Variants in CEP162 observed in about 807,000 individuals in gnomAD.
CEP162 encodes the protein centrosomal protein 162, also known as centrosomal protein of 162 kDa.
A neutral mutation model predicts 169.2 loss-of-function variants in CEP162; 141 were observed. That is an observed-to-expected ratio of 0.83 (90% CI 0.73 to 0.96). CEP162 has a LOEUF of 0.96. CEP162 is among the 40% of genes least tolerant of loss of function. CEP162 has a pLI of 0.00. For synonymous variants in CEP162, 540 were observed against 526.4 expected (o/e 1.03, Z -0.35); for missense variants, 1,600 against 1,587.2 (o/e 1.01, Z -0.14).
chr6:84,162,250 T>C (rs2099526073), intron 19 of CEP162, among the ~76,000 whole-genome samples: 1 of 152,112 alleles, frequency 6.6e-6, no homozygotes, highest in African/African-American at 2.4e-5. Context: ...ATAATAAAAA[T>C]GAAGAACGCC....
At chr6:84,189,220 C>T (rs1485692877) in intron 11 of CEP162, among the ~76,000 whole-genome samples, 3 of 152,036 alleles carry the variant, frequency 2.0e-5, no homozygotes, top group Admixed American at 2.0e-4. Flanking sequence ...GTTCTCAGAG[C>T]CCTCGCTTGC....
chr6:84,134,633 G>A (rs2099513117), intron 25 of CEP162, among the ~76,000 whole-genome samples: 1 of 152,104 alleles, frequency 6.6e-6, no homozygotes. Flanking sequence ...CCCGGATGAG[G>A]CAAGGCCCCA....
intron 25 of CEP162, among the ~76,000 whole-genome samples, chr6:84,136,215 C>T (rs7775669): frequency 0.01 from 1,530 of 152,204 alleles, 20 homozygotes; most frequent in African/African-American, 0.035. Flanking sequence ...TTTTTCTTGG[C>T]AGTGATTGGT....
chr6:84,226,134 TG>T (rs1484969375), intron 2 of CEP162, among the ~76,000 whole-genome samples: 1 of 151,876 alleles, frequency 6.6e-6, no homozygotes, highest in Non-Finnish European at 1.5e-5. Flanking sequence ...AAAGGAATGC[TG>T]GACCATGAGT....
At chr6:84,150,656 A>G (rs1021783198) in intron 23 of CEP162, among the ~76,000 whole-genome samples, 2 of 152,168 alleles carry the variant, frequency 1.3e-5, no homozygotes, top group Non-Finnish European at 2.9e-5. Flanking sequence ...ATATTAACAA[A>G]TTTTAAATGA....
At chr6:84,198,289 A>T (rs900004691) in intron 9 of CEP162, among the ~76,000 whole-genome samples, 12 of 151,734 alleles carry the variant, frequency 7.9e-5, no homozygotes, top group Admixed American at 5.9e-4. Context: ...TTATTTATTT[A>T]TTTTTTGAGA....
At chr6:84,157,187 A>C (rs1374181660) in intron 21 of CEP162, among the ~76,000 whole-genome samples, 3 of 152,226 alleles carry the variant, frequency 2.0e-5, no homozygotes, top group African/African-American at 7.2e-5. Flanking sequence ...TTAATGCATA[A>C]ACTTAGATTA....
chr6:84,199,460 A>C (rs1303614750), intron 9 of CEP162, among the ~76,000 whole-genome samples: 1 of 151,904 alleles, frequency 6.6e-6, no homozygotes, highest in African/African-American at 2.4e-5. Flanking sequence ...TGCTGATTAC[A>C]TGGGTGTGCT....
chr6:84,220,618 T>C (rs1404382354), intron 3 of CEP162, among the ~76,000 whole-genome samples: 2 of 152,128 alleles, frequency 1.3e-5, no homozygotes, highest in South Asian at 2.1e-4. Flanking sequence ...CATATACATA[T>C]ATATGAGAGA....
chr6:84,180,434 C>T (rs1363696319), intron 13 of CEP162, among the ~76,000 whole-genome samples: 5 of 152,146 alleles, frequency 3.3e-5, no homozygotes, highest in Non-Finnish European at 5.9e-5. Flanking sequence ...AAAACTGGCA[C>T]AAGACAGGGA....
At chr6:84,141,678 G>T (rs1886254) in intron 25 of CEP162, among the ~76,000 whole-genome samples, 15,534 of 152,112 alleles carry the variant, frequency 0.1, 939 homozygotes, top group Middle Eastern at 0.19. Flanking sequence ...CCAGGGCCGG[G>T]GTGTATAGGT....
rs1466539090 is a variant in CEP162 at position 84,213,044 on chromosome 6, A to T, written c.504-20T>A. ...TGATTACTGGAAAAAATATTTATTT[A>T]ATTTAGCATTACATGTTAAAAACAT... On this transcript the variant is annotated intron_variant, in intron 5 of 26. Transcript: ENST00000403245. 7.0e-7 allele frequency: 1 copy of T among 1,426,504 alleles called. No individual in the cohort carries two copies. The highest frequency in any genetic ancestry group is 2.5e-5 in the East Asian group (1 of 40,302). The allele number at this position is 1,426,504 out of a possible 1,614,324, so 88.4% of individuals were successfully genotyped here. A position where few individuals can be genotyped will look rare whatever the true frequency, so the allele number is the denominator to read the frequency against.
intron 1 of CEP162, 72 bp from the exon 2 acceptor site, chr6:84,226,524 C>G (rs6911426): frequency 7.3e-6 from 5 of 687,152 alleles, no homozygotes. Flanking sequence ...ACTTAAACTT[C>G]GGACATTTGT....
chr6:84,154,484 T>A (rs1346370294), intron 22 of CEP162, among the ~76,000 whole-genome samples: 1 of 152,128 alleles, frequency 6.6e-6, no homozygotes, highest in Non-Finnish European at 1.5e-5. Flanking sequence ...TATTTCCAGG[T>A]TATCAACCTT....
chr6:84,182,792 T>G (rs1270479711), intron 13 of CEP162, among the ~76,000 whole-genome samples: 1 of 152,170 alleles, frequency 6.6e-6, no homozygotes, highest in African/African-American at 2.4e-5. Context: ...GAACTGCCTA[T>G]CTCTGGACTC....
chr6:84,133,610 C>T lies in CEP162; in HGVS notation c.3871-7098G>A, dbSNP rs375678736. On this transcript the variant is annotated intron_variant, in intron 25 of 26. Transcript: ENST00000403245. ...TTGCTGCTGCCTTGCAGTTCAATCTCGGACTGCTGTGCTAGCAGTGAGCAA... is the reference window on the plus strand; with the variant it reads ...TTGCTGCTGCCTTGCAGTTCAATCTTGGACTGCTGTGCTAGCAGTGAGCAA... Among the ~76,000 whole-genome samples, 38 of 152,298 alleles carry T rather than the reference C, an allele frequency of 2.5e-4. No homozygotes were observed. In the East Asian group the frequency reaches 3.3e-3, roughly 13 times the overall value.
At chr6:84,203,305 C>A (rs1245810949) in intron 7 of CEP162, among the ~76,000 whole-genome samples, 1 of 152,162 alleles carries the variant, frequency 6.6e-6, no homozygotes, top group Non-Finnish European at 1.5e-5. Flanking sequence ...TAGGGAAGGA[C>A]ATTTACTATA....
chr6:84,191,742 G>C (rs1201234086), intron 11 of CEP162, among the ~76,000 whole-genome samples: 1 of 152,046 alleles, frequency 6.6e-6, no homozygotes, highest in Non-Finnish European at 1.5e-5. Flanking sequence ...GGGATAAGTT[G>C]GTCTGTGTAT....
intron 5 of CEP162, 47 bp from the exon 6 acceptor site, chr6:84,213,071 T>G: frequency 8.8e-7 from 1 of 1,138,798 alleles, no homozygotes; most frequent in Non-Finnish European, 1.3e-6. Flanking sequence ...TAAAAACATA[T>G]TCTCATGCAA....
Sources: allele counts gnomAD v4.1 joint callset (sites outside exome capture counted in the v4.1 genomes callset), GRCh38; gene constraint gnomAD v4.1.1; transcripts MANE v1.5; gene names NCBI Gene and HGNC (gene_info 2026-07-23, HGNC 2026-07-21).